Variants in ASIC2 observed in about 807,000 individuals in gnomAD.
ASIC2 encodes the protein acid sensing ion channel subunit 2.
A neutral mutation model predicts 57.3 loss-of-function variants in ASIC2; 25 were observed. That is an observed-to-expected ratio of 0.44 (90% CI 0.32 to 0.61). The LOEUF is 0.61. ASIC2 is among the 20% of genes least tolerant of loss of function. The pLI is 0.06. For synonymous variants in ASIC2, 319 were observed against 307.5 expected (o/e 1.04, Z -0.39); for missense variants, 641 against 738.1 (o/e 0.87, Z 1.52).
intron 1 of ASIC2, among the ~76,000 whole-genome samples, chr17:33,429,492 G>A (rs112297978): frequency 1.3e-5 from 2 of 151,996 alleles, no homozygotes; most frequent in Non-Finnish European, 2.9e-5. Flanking sequence ...CTGGGTTCAC[G>A]CCATTCTCCT....
chr17:33,329,963 C>A (rs1233503043), intron 1 of ASIC2, among the ~76,000 whole-genome samples: 1 of 152,186 alleles, frequency 6.6e-6, no homozygotes, highest in Admixed American at 6.5e-5. Context: ...ATGGTTTAGG[C>A]ATGAATGTGC....
intron 1 of ASIC2, among the ~76,000 whole-genome samples, chr17:33,198,416 A>G (rs1251524162): frequency 6.6e-6 from 1 of 152,262 alleles, no homozygotes; most frequent in African/African-American, 2.4e-5. Context: ...GTTGACTCAC[A>G]TAAACTAGTC....
intron 1 of ASIC2, among the ~76,000 whole-genome samples, chr17:34,036,087 T>G (rs925775044): frequency 6.6e-6 from 1 of 151,964 alleles, no homozygotes; most frequent in Non-Finnish European, 1.5e-5. Flanking sequence ...GTTTATATCG[T>G]CAATATTCAC....
intron 9 of ASIC2, 99 bp downstream of exon 9, chr17:33,015,872 G>A (rs1407302998): frequency 7.9e-7 from 1 of 1,265,218 alleles, no homozygotes; most frequent in South Asian, 1.3e-5. Flanking sequence ...AAGGTGTGCA[G>A]TGAGTCACAT....
At chr17:33,331,604 G>T (rs1337801431) in intron 1 of ASIC2, among the ~76,000 whole-genome samples, 1 of 152,270 alleles carries the variant, frequency 6.6e-6, no homozygotes, top group East Asian at 1.9e-4. Context: ...TTCTGCACAG[G>T]TCTGTGTTGA....
intron 3 of ASIC2, among the ~76,000 whole-genome samples, chr17:33,038,019 C>G (rs187274511): frequency 6.6e-6 from 1 of 152,298 alleles, no homozygotes; most frequent in African/African-American, 2.4e-5. Context: ...CTTAAATCTA[C>G]TATTCTAATT....
At chr17:33,585,332 C>T (rs1010331561) in intron 1 of ASIC2, among the ~76,000 whole-genome samples, 18 of 152,214 alleles carry the variant, frequency 1.2e-4, no homozygotes, top group Non-Finnish European at 2.1e-4. Context: ...TACATGCCTT[C>T]CCCAGTCTCT....
At chr17:33,075,983 T>A (rs73982417) in intron 3 of ASIC2, among the ~76,000 whole-genome samples, 2 of 152,112 alleles carry the variant, frequency 1.3e-5, no homozygotes, top group Non-Finnish European at 2.9e-5. Flanking sequence ...ATGCAACTAA[T>A]CAATCCAATT....
intron 1 of ASIC2, among the ~76,000 whole-genome samples, chr17:33,707,186 A>G (rs1908889305): frequency 6.6e-6 from 1 of 152,060 alleles, no homozygotes; most frequent in Non-Finnish European, 1.5e-5. Context: ...TGGGATTTTA[A>G]TTTTACCCCA....
rs1384204048 is a variant in ASIC2 at position 33,269,523 on chromosome 17, C to T, written c.708+21885G>A. On this transcript the variant is annotated intron_variant, in intron 1 of 9. Coordinates refer to ENST00000225823, the MANE Select transcript of ASIC2 (RefSeq NM_183377.2). ...AGCCTCCTGGCCTGGAGCCTAGGAC[C>T]TGGTCCCACAGGCCCCCAGGAAGCC... Among the ~76,000 whole-genome samples the T allele has an allele frequency of 2.0e-5, 3 of 152,324 alleles. No individual in the cohort carries two copies. In the East Asian group the frequency reaches 5.8e-4, roughly 29 times the overall value.
upstream of ASIC2, among the ~76,000 whole-genome samples, chr17:33,297,870 T>TAAATAAA (rs1567814953): frequency 5.1e-5 from 7 of 138,236 alleles, no homozygotes; most frequent in South Asian, 4.9e-4. Flanking sequence ...AAATAAATAA[T>TAAATAAA]AAAGTTTATT....
At chr17:33,321,387 C>T (rs1360765917) in intron 1 of ASIC2, among the ~76,000 whole-genome samples, 1 of 152,124 alleles carries the variant, frequency 6.6e-6, no homozygotes, top group Non-Finnish European at 1.5e-5. Context: ...AAACCTGAGG[C>T]TCAGAAAGGA....
At chr17:33,424,970 T>C (rs9893445) in intron 1 of ASIC2, among the ~76,000 whole-genome samples, 15,097 of 152,232 alleles carry the variant, frequency 0.099, 935 homozygotes, top group African/African-American at 0.17. Flanking sequence ...TTTCACTAAA[T>C]GAGGAATAGG....
intron 1 of ASIC2, among the ~76,000 whole-genome samples, chr17:33,846,694 T>C (rs764129821): frequency 3.0e-4 from 45 of 152,166 alleles, no homozygotes; most frequent in Admixed American, 1.3e-3. Flanking sequence ...TCACAGCTTA[T>C]ACCTGTGAGC....
At chr17:33,091,846 C>T (rs935679801) in intron 2 of ASIC2, among the ~76,000 whole-genome samples, 3 of 152,186 alleles carry the variant, frequency 2.0e-5, no homozygotes, top group African/African-American at 7.2e-5. Context: ...CGTGCTATTC[C>T]CTGTGCTGCC....
chr17:33,908,872 T>A (rs927019925), intron 1 of ASIC2, among the ~76,000 whole-genome samples: 1 of 152,194 alleles, frequency 6.6e-6, no homozygotes, highest in African/African-American at 2.4e-5. Context: ...TTAATACTTA[T>A]TAATCCCTGG....
At chr17:34,067,169 G>A (rs148773586) in intron 1 of ASIC2, among the ~76,000 whole-genome samples, 1 of 152,254 alleles carries the variant, frequency 6.6e-6, no homozygotes, top group East Asian at 1.9e-4. Flanking sequence ...TTACACAGTG[G>A]AAAACTAATA....
intron 1 of ASIC2, among the ~76,000 whole-genome samples, chr17:33,981,646 G>A (rs1365001460): frequency 6.6e-6 from 1 of 151,248 alleles, no homozygotes; most frequent in Non-Finnish European, 1.5e-5. Flanking sequence ...AAGGGAGGGT[G>A]GAAAGGGGGA....
chr17:33,095,746 T>C (rs2092176285), intron 2 of ASIC2, among the ~76,000 whole-genome samples: 1 of 152,212 alleles, frequency 6.6e-6, no homozygotes, highest in Admixed American at 6.5e-5. Flanking sequence ...AAAGTCTGCC[T>C]GGACCATCCC....
Sources: gnomAD v4.1 joint callset for allele counts (sites outside exome capture counted in the v4.1 genomes callset) on GRCh38, gnomAD v4.1.1 for gene constraint, MANE v1.5 for transcripts, NCBI Gene and HGNC (gene_info 2026-07-23, HGNC 2026-07-21) for gene names.